The following YKT6 variants were observed in gnomAD, a reference collection of about 807,000 sequenced individuals.
The protein encoded by YKT6 is YKT6 vesicular SNARE protein.
A neutral mutation model predicts 29.3 loss-of-function variants in YKT6; 12 were observed. The observed-to-expected ratio is 0.41, with a 90% CI of 0.26 to 0.66. The LOEUF is 0.66. Among genes scored for constraint, YKT6 ranks in the 30% least tolerant of loss-of-function variants. The pLI, the probability that YKT6 is intolerant of heterozygous loss-of-function variation, is 0.32. For synonymous variants in YKT6, 86 were observed against 94.3 expected (o/e 0.91, Z 0.51); for missense variants, 188 against 243.8 (o/e 0.77, Z 1.52).
intron 5 of YKT6, 187 bp from the exon 6 acceptor site, chr7:44,210,836 C>T (rs1198147158): frequency 1.5e-6 from 1 of 662,630 alleles, no homozygotes; most frequent in African/African-American, 1.8e-5. Context: ...ACGGGAATGT[C>T]ACCAGGTTCT....
intron 5 of YKT6, among the ~76,000 whole-genome samples, chr7:44,209,182 C>T (rs904931051): frequency 6.6e-6 from 1 of 152,220 alleles, no homozygotes; most frequent in Non-Finnish European, 1.5e-5. Context: ...AACCCACATA[C>T]AAAGCTTTAC....
At chr7:44,203,841 T>C (rs1397390480) in intron 1 of YKT6, among the ~76,000 whole-genome samples, 3 of 152,186 alleles carry the variant, frequency 2.0e-5, no homozygotes, top group Non-Finnish European at 4.4e-5. Context: ...TGGCCCTGGT[T>C]GCCCTTTATA....
intron 4 of YKT6, 104 bp downstream of exon 4, chr7:44,207,596 C>A: frequency 1.1e-6 from 1 of 921,958 alleles, no homozygotes; most frequent in Non-Finnish European, 1.7e-6. Flanking sequence ...CTTCTGACAG[C>A]TTCTGATGCT....
intron 2 of YKT6, 133 bp from the exon 3 acceptor site, chr7:44,206,252 A>G: frequency 2.4e-6 from 2 of 835,438 alleles, no homozygotes; most frequent in Non-Finnish European, 3.8e-6. Context: ...CCTCTCCACA[A>G]GACTTGCCCA....
chr7:44,211,270 G>C, intron 6 of YKT6, 146 bp downstream of exon 6: 1 of 836,426 alleles, frequency 1.2e-6, no homozygotes, highest in Non-Finnish European at 1.8e-6. Context: ...AGAGCCTAAG[G>C]TGAGCGCCTC....
At chr7:44,211,578 G>GGA in intron 6 of YKT6, 1 of 1,012,622 alleles carries the variant, frequency 9.9e-7, no homozygotes, top group South Asian at 4.1e-5. Flanking sequence ...ACAAGGATGG[G>GGA]TGCTGCTGAC....
chr7:44,211,085 C>G lies in YKT6; in HGVS notation c.522C>G (p.Ser174=). Residue 174 remains serine (S), a synonymous_variant, in exon 6 of 7, where the codon TCC becomes TCG. Transcript: ENST00000223369. ...AGCTAGATGACTTGGTGTCCAAATC[C>G]GAGGTGCTGGGAACACAGTCTAAAG... is the stretch of plus-strand genomic sequence containing the variant. ...GEKLDDLVSK[S]EVLGTQSKAF... is the part of the protein sequence containing the mutation. 1 of 1,613,982 alleles carries G rather than the reference C, an allele frequency of 6.2e-7. No homozygotes were observed. Among genetic ancestry groups the G allele is most frequent in the Non-Finnish European group, 8.5e-7 (1 of 1,180,002 alleles).
intron 2 of YKT6, among the ~76,000 whole-genome samples, chr7:44,205,560 T>C (rs1466405572): frequency 6.6e-6 from 1 of 152,214 alleles, no homozygotes; most frequent in Admixed American, 6.5e-5. Flanking sequence ...CCCTCCTCTT[T>C]TATTTGTTTT....
chr7:44,210,900 G>A, intron 5 of YKT6, 123 bp from the exon 6 acceptor site: 1 of 896,638 alleles, frequency 1.1e-6, no homozygotes, highest in Middle Eastern at 2.2e-4. Flanking sequence ...ACACCTAGAG[G>A]TGAAGTTTGT....
chr7:44,207,883 G>A (rs1243970800), intron 4 of YKT6, among the ~76,000 whole-genome samples: 1 of 152,044 alleles, frequency 6.6e-6, no homozygotes, highest in Admixed American at 6.6e-5. Context: ...GTGCCACCAC[G>A]CCTGGCTAAT....
At chr7:44,202,314 C>A (rs2096336625) in intron 1 of YKT6, among the ~76,000 whole-genome samples, 1 of 152,032 alleles carries the variant, frequency 6.6e-6, no homozygotes, top group Admixed American at 6.6e-5. Flanking sequence ...AATTTATCTT[C>A]ACTATCTTTA....
intron 6 of YKT6, among the ~76,000 whole-genome samples, chr7:44,211,364 C>G (rs2096346711): frequency 6.6e-6 from 1 of 152,218 alleles, no homozygotes; most frequent in African/African-American, 2.4e-5. Flanking sequence ...TGCCTCTGCT[C>G]TGCCCTCTGC....
intron 2 of YKT6, among the ~76,000 whole-genome samples, chr7:44,204,884 CTT>C (rs1221583722): frequency 6.6e-6 from 1 of 152,220 alleles, no homozygotes; most frequent in Admixed American, 6.5e-5. Context: ...GGGTCTGACT[CTT>C]TTGGAGCAGT....
At chr7:44,209,672 C>T (rs527534879) in intron 5 of YKT6, among the ~76,000 whole-genome samples, 1 of 152,356 alleles carries the variant, frequency 6.6e-6, no homozygotes, top group Admixed American at 6.5e-5. Context: ...GACATTCTTG[C>T]TGGCTCCTTG....
chr7:44,207,437 G>T lies in YKT6; in HGVS notation c.338G>T (p.Gly113Val). 1 of 1,614,074 alleles carries T rather than the reference G, an allele frequency of 6.2e-7. No homozygotes were observed. The highest frequency in any genetic ancestry group is 8.5e-7 in the Non-Finnish European group (1 of 1,179,984). The change falls in exon 4 of 7, where the codon GGA (glycine) becomes GTA (valine). Residue 113 changes from glycine to valine, a missense_variant. Physicochemically the swap from Gly to Val is moderately radical, Grantham distance 109 (BLOSUM62 -3). Transcript: ENST00000223369. The stretch of plus-strand genomic sequence containing the variant: ...GTCGACAGGATAGACTGGCCAGTAG[G>T]ATCCCCTGCTACAATCCATTACCCA... ...KQVDRIDWPV[G>V]SPATIHYPAL... is the part of the protein sequence containing the mutation.
intron 6 of YKT6, chr7:44,211,458 T>A: frequency 5.9e-6 from 5 of 840,756 alleles, no homozygotes; most frequent in Non-Finnish European, 7.4e-6. Flanking sequence ...CTGTTGAATC[T>A]TATTCCTCTT....
intron 5 of YKT6, among the ~76,000 whole-genome samples, chr7:44,209,640 T>A (rs2096344588): frequency 6.6e-6 from 1 of 152,208 alleles, no homozygotes; most frequent in Non-Finnish European, 1.5e-5. Context: ...TTTGAGTCGC[T>A]CAGCTGTGTG....
intron 1 of YKT6, 39 bp downstream of exon 1, chr7:44,201,278 G>C (rs771769676): frequency 6.5e-7 from 1 of 1,533,346 alleles, no homozygotes; most frequent in Non-Finnish European, 8.9e-7. Context: ...CGGTCGGGCG[G>C]AGAGGACTGG....
At chr7:44,206,001 T>C (rs1193937359) in intron 2 of YKT6, among the ~76,000 whole-genome samples, 2 of 152,176 alleles carry the variant, frequency 1.3e-5, no homozygotes, top group Non-Finnish European at 2.9e-5. Flanking sequence ...GTTCCCTAAG[T>C]TTGGGAGCAG....
Sources: gnomAD v4.1 joint callset for allele counts (sites outside exome capture counted in the v4.1 genomes callset) on GRCh38, gnomAD v4.1.1 for gene constraint, MANE v1.5 for transcripts, NCBI Gene and HGNC (gene_info 2026-07-23, HGNC 2026-07-21) for gene names.